HTR2C: variants seen among roughly 807,000 people sequenced by gnomAD.
The protein encoded by HTR2C is 5-hydroxytryptamine (serotonin) receptor 2C, G protein-coupled.
HTR2C carries 5 observed loss-of-function variants against 21.0 expected under a neutral mutation model. That is an observed-to-expected ratio of 0.24 (90% CI 0.12 to 0.50). The LOEUF (loss-of-function observed/expected upper bound fraction) is 0.50. Ranked by LOEUF, HTR2C falls within the 20% of genes least tolerant of loss-of-function variation. The probability of loss-of-function intolerance (pLI) is 0.98; values close to 1 mark genes in which losing one functional copy is unlikely to be tolerated. For missense variants in HTR2C, 271 were observed against 371.2 expected (o/e 0.73, Z 2.22); for synonymous variants, 150 against 145.3 (o/e 1.03, Z -0.23).
chrX:114,599,909 T>A (rs941651398), intron 1 of HTR2C, among the ~76,000 whole-genome samples: 6 of 111,963 alleles, frequency 5.4e-5, no homozygotes. Context: ...ATGTCAGTAA[T>A]GTTTAAACTA....
At chrX:114,705,521 C>G (rs1306083253) in intron 2 of HTR2C, among the ~76,000 whole-genome samples, 1 of 108,740 alleles carries the variant, frequency 9.2e-6, no homozygotes. Context: ...AAAGCTGAAA[C>G]TGGATCTCTT....
chrX:114,731,414 A>G lies in HTR2C; in HGVS notation c.156A>G (p.Val52=), dbSNP rs782816996. 1 of 1,210,209 alleles carries G rather than the reference A, an allele frequency of 8.3e-7. No homozygotes were observed. Among genetic ancestry groups the G allele is most frequent in the East Asian group, 3.0e-5 (1 of 33,839 alleles). The change falls in exon 4 of 6, where the codon GTA becomes GTG. Residue 52 remains valine (V), a synonymous_variant. Coordinates refer to ENST00000276198, the MANE Select transcript of HTR2C (RefSeq NM_000868.4). ...GACGCTTCAAATTCCCAGACGGGGT[A>G]CAAAACTGGCCAGCACTTTCAATCG... ...DGGRFKFPDG[V]QNWPALSIVI... is the part of the protein sequence containing the mutation.
chrX:114,683,134 G>T (rs781855196), intron 2 of HTR2C, among the ~76,000 whole-genome samples: 5 of 111,639 alleles, frequency 4.5e-5, no homozygotes, highest in African/African-American at 1.6e-4. Context: ...CTTTGGAAAC[G>T]TAGACTGTTT....
intron 2 of HTR2C, among the ~76,000 whole-genome samples, chrX:114,676,608 T>G (rs1931571070): frequency 8.9e-6 from 1 of 112,585 alleles, no homozygotes; most frequent in Non-Finnish European, 1.9e-5. Flanking sequence ...CATATTTTAT[T>G]TCATACGAAT....
chrX:114,838,759 C>A (rs1271242826), intron 4 of HTR2C, among the ~76,000 whole-genome samples: 2 of 112,220 alleles, frequency 1.8e-5, no homozygotes, highest in Non-Finnish European at 3.8e-5. Flanking sequence ...CCCTTCAAAC[C>A]TTTTACATAT....
chrX:114,870,538 C>A (rs1405902712), intron 5 of HTR2C, among the ~76,000 whole-genome samples: 2 of 111,293 alleles, frequency 1.8e-5, no homozygotes, highest in African/African-American at 6.5e-5. Flanking sequence ...ATCTGTGAAG[C>A]CATCAAGTCC....
intron 2 of HTR2C, among the ~76,000 whole-genome samples, chrX:114,622,099 T>G (rs1488649677): frequency 3.6e-5 from 4 of 111,897 alleles, no homozygotes; most frequent in African/African-American, 1.3e-4. Flanking sequence ...GCAAATTTAT[T>G]GATGAAATGG....
At chrX:114,726,622 C>G (rs1170354605) in intron 2 of HTR2C, among the ~76,000 whole-genome samples, 1 of 112,232 alleles carries the variant, frequency 8.9e-6, no homozygotes, top group Admixed American at 9.4e-5. Context: ...TTGGTATAAA[C>G]CATGTATAAA....
At chrX:114,717,324 C>T (rs782414951) in intron 2 of HTR2C, among the ~76,000 whole-genome samples, 4 of 112,010 alleles carry the variant, frequency 3.6e-5, no homozygotes, top group African/African-American at 9.7e-5. Context: ...CCACCCACTC[C>T]GGCCTCCCAA....
At chrX:114,807,813 C>T (rs1468753641) in intron 4 of HTR2C, among the ~76,000 whole-genome samples, 1 of 109,736 alleles carries the variant, frequency 9.1e-6, no homozygotes, top group Non-Finnish European at 1.9e-5. Context: ...GCTGGGACTA[C>T]AGGCGCATAC....
chrX:114,818,040 T>C (rs1296811084), intron 4 of HTR2C, among the ~76,000 whole-genome samples: 1 of 111,721 alleles, frequency 9.0e-6, no homozygotes, highest in Non-Finnish European at 1.9e-5. Context: ...TTTCAACATA[T>C]GAAAATAAAT....
chrX:114,811,059 G>A (rs1276831288), intron 4 of HTR2C, among the ~76,000 whole-genome samples: 3 of 111,799 alleles, frequency 2.7e-5, no homozygotes, highest in African/African-American at 9.8e-5. Flanking sequence ...GGCCAGTTGT[G>A]TTCTTTGAAG....
At chrX:114,804,113 T>A (rs1556447911) in intron 4 of HTR2C, among the ~76,000 whole-genome samples, 1 of 111,092 alleles carries the variant, frequency 9.0e-6, no homozygotes, top group African/African-American at 3.3e-5. Context: ...TATGCCAGAG[T>A]TTCTTGTGAA....
At chrX:114,708,654 T>A (rs1556418752) in intron 2 of HTR2C, among the ~76,000 whole-genome samples, 2 of 110,445 alleles carry the variant, frequency 1.8e-5, no homozygotes, top group Non-Finnish European at 3.8e-5. Flanking sequence ...AAATTTTTTT[T>A]AAATCAACCA....
At chrX:114,883,156 G>T in intron 5 of HTR2C, among the ~76,000 whole-genome samples, 1 of 109,689 alleles carries the variant, frequency 9.1e-6, no homozygotes, top group Non-Finnish European at 1.9e-5. Flanking sequence ...CCATATAATG[G>T]TTAATAATAT....
At chrX:114,723,757 C>T (rs1556421212) in intron 2 of HTR2C, among the ~76,000 whole-genome samples, 1 of 109,988 alleles carries the variant, frequency 9.1e-6, no homozygotes, top group Non-Finnish European at 1.9e-5. Context: ...TTATGTCTGC[C>T]TTCATTTCCT....
At chrX:114,757,492 A>T (rs2069825099) in intron 4 of HTR2C, among the ~76,000 whole-genome samples, 1 of 111,624 alleles carries the variant, frequency 9.0e-6, no homozygotes, top group Non-Finnish European at 1.9e-5. Context: ...GTATAAGGCC[A>T]AGTCTTTATC....
At chrX:114,696,783 ATT>A (rs200950344) in intron 2 of HTR2C, among the ~76,000 whole-genome samples, 2 of 108,351 alleles carry the variant, frequency 1.8e-5, no homozygotes, top group Admixed American at 2.0e-4. Context: ...TCTTTCTTCT[ATT>A]TTTTTTCTAT....
chrX:114,814,892 TATA>T (rs1476431582), intron 4 of HTR2C, among the ~76,000 whole-genome samples: 2 of 102,205 alleles, frequency 2.0e-5, no homozygotes, highest in Admixed American at 1.2e-4. Context: ...GAATATATAT[TATA>T]ATATTATATA....
Sources: allele counts gnomAD v4.1 joint callset (sites outside exome capture counted in the v4.1 genomes callset), GRCh38; gene constraint gnomAD v4.1.1; transcripts MANE v1.5; gene names NCBI Gene and HGNC (gene_info 2026-07-23, HGNC 2026-07-21).